OR1J2: variants seen among roughly 807,000 people sequenced by gnomAD.
OR1J2 encodes the protein olfactory receptor family 1 subfamily J member 2, also known as olfactory receptor 1J2.
For synonymous variants in OR1J2, 142 were observed against 99.7 expected, an observed-to-expected ratio of 1.42 and a Z score of -2.52; for missense variants, 304 against 246.1, an observed-to-expected ratio of 1.24 and a Z score of -1.57.
chr9:122,552,100 C>CTCTCTCTCT, the OR1J2 span, among the ~76,000 whole-genome samples: 1 of 147,646 alleles, frequency 6.8e-6, no homozygotes, highest in Non-Finnish European at 1.5e-5. Flanking sequence ...CACATATACA[C>CTCTCTCTCT]CTTCCTTCCC....
the OR1J2 span, among the ~76,000 whole-genome samples, chr9:122,490,334 A>G: frequency 2.6e-5 from 4 of 152,090 alleles, no homozygotes; most frequent in Non-Finnish European, 5.9e-5. Flanking sequence ...GAGTGTAAAT[A>G]TATATATATC....
chr9:122,564,009 T>G, the OR1J2 span, among the ~76,000 whole-genome samples: 1 of 152,174 alleles, frequency 6.6e-6, no homozygotes, highest in Non-Finnish European at 1.5e-5. Context: ...TACTATAGCT[T>G]TATAGTATGT....
At chr9:122,459,805 G>A in the OR1J2 span, among the ~76,000 whole-genome samples, 1 of 152,058 alleles carries the variant, frequency 6.6e-6, no homozygotes, top group African/African-American at 2.4e-5. Context: ...CCTGAACAGT[G>A]TACATTGTAG....
chr9:122,451,897 G>C, the OR1J2 span, among the ~76,000 whole-genome samples: 1 of 151,272 alleles, frequency 6.6e-6, no homozygotes, highest in Non-Finnish European at 1.5e-5. Context: ...TTTTTTCTTT[G>C]AGACGGAGTC....
At chr9:122,535,561 GT>G in the OR1J2 span, among the ~76,000 whole-genome samples, 2 of 152,196 alleles carry the variant, frequency 1.3e-5, no homozygotes, top group African/African-American at 4.8e-5. Context: ...TTAAGGGATA[GT>G]GAGTGAGGTT....
chr9:122,560,574 AT>A, the OR1J2 span, among the ~76,000 whole-genome samples: 2 of 152,052 alleles, frequency 1.3e-5, no homozygotes, highest in African/African-American at 4.8e-5. Context: ...TTTATTTCTC[AT>A]TTACTTATGA....
chr9:122,497,019 G>A, the OR1J2 span, among the ~76,000 whole-genome samples: 97 of 152,094 alleles, frequency 6.4e-4, no homozygotes, highest in African/African-American at 2.2e-3. Flanking sequence ...CTAAAGGCCA[G>A]TCTTACTCAC....
chr9:122,456,303 C>G, the OR1J2 span, among the ~76,000 whole-genome samples: 1 of 152,080 alleles, frequency 6.6e-6, no homozygotes, highest in Non-Finnish European at 1.5e-5. Flanking sequence ...GGAAGAGATC[C>G]TATGCTTTTA....
the OR1J2 span, among the ~76,000 whole-genome samples, chr9:122,546,320 C>G: frequency 6.6e-6 from 1 of 152,134 alleles, no homozygotes; most frequent in African/African-American, 2.4e-5. Context: ...AGAGACAGAG[C>G]TTAATTTTCT....
At chr9:122,545,524 T>C in the OR1J2 span, among the ~76,000 whole-genome samples, 1 of 152,182 alleles carries the variant, frequency 6.6e-6, no homozygotes, top group African/African-American at 2.4e-5. Context: ...ACATTTATTA[T>C]TGTATCTTCA....
the OR1J2 span, among the ~76,000 whole-genome samples, chr9:122,481,837 C>T: frequency 6.6e-6 from 1 of 152,050 alleles, no homozygotes; most frequent in East Asian, 1.9e-4. Context: ...AGACCCCTAT[C>T]CTTTATCATA....
chr9:122,532,692 G>A, the OR1J2 span, among the ~76,000 whole-genome samples: 3 of 151,786 alleles, frequency 2.0e-5, no homozygotes, highest in Admixed American at 6.6e-5. Flanking sequence ...TGATTTTAAG[G>A]GCCTCTAAAA....
chr9:122,466,357 G>A, the OR1J2 span, among the ~76,000 whole-genome samples: 1 of 152,206 alleles, frequency 6.6e-6, no homozygotes, highest in Admixed American at 6.5e-5. Flanking sequence ...GCTCCGGGTT[G>A]TATTTGTAGA....
At chr9:122,477,629 G>C in the OR1J2 span, 3 of 1,614,228 alleles carry the variant, frequency 1.9e-6, no homozygotes, top group Non-Finnish European at 2.5e-6. Context: ...AAATATGTCT[G>C]TGAAATGCAT....
the OR1J2 span, chr9:122,553,629 A>G: frequency 6.2e-7 from 1 of 1,614,148 alleles, no homozygotes; most frequent in Non-Finnish European, 8.5e-7. Flanking sequence ...CACATCTATG[A>G]GTCCCCAGCT....
the OR1J2 span, among the ~76,000 whole-genome samples, chr9:122,521,784 G>C: frequency 6.6e-6 from 1 of 151,998 alleles, no homozygotes. Flanking sequence ...TTTCCCTGCC[G>C]GCACCCCAGT....
At chr9:122,470,912 A>G in the OR1J2 span, among the ~76,000 whole-genome samples, 1 of 152,206 alleles carries the variant, frequency 6.6e-6, no homozygotes, top group Admixed American at 6.5e-5. Context: ...CCCATTTGGA[A>G]TGGCTATATC....
downstream of OR1J2, among the ~76,000 whole-genome samples, chr9:122,515,128 A>G (rs1025661763): frequency 5.0e-4 from 76 of 152,128 alleles, 1 homozygote; most frequent in Non-Finnish European, 5.0e-4. Context: ...TGGGTAGAAT[A>G]GACTTGTTAC....
the OR1J2 span, among the ~76,000 whole-genome samples, chr9:122,464,991 A>AT: frequency 2.6e-5 from 4 of 152,006 alleles, no homozygotes; most frequent in Admixed American, 2.6e-4. Context: ...TTGCTGCTTG[A>AT]TTCTTTTCTT....
Sources: allele counts gnomAD v4.1 joint callset (sites outside exome capture counted in the v4.1 genomes callset), GRCh38; gene constraint gnomAD v4.1.1; transcripts MANE v1.5; gene names NCBI Gene and HGNC (gene_info 2026-07-23, HGNC 2026-07-21).